The following PCCA variants were observed in gnomAD, a reference collection of about 807,000 sequenced individuals.
The protein encoded by PCCA is propionyl-CoA carboxylase subunit alpha.
Under a neutral mutation model 101.3 loss-of-function variants are expected in PCCA, and 74 were observed. That is an observed-to-expected ratio of 0.73 (90% CI 0.61 to 0.89). The LOEUF (loss-of-function observed/expected upper bound fraction) is 0.89, where lower values mean the gene tolerates loss of function less well. Ranked by LOEUF, PCCA falls within the 40% of genes least tolerant of loss-of-function variation. The probability of loss-of-function intolerance (pLI) is 0.00; values close to 1 mark genes in which losing one functional copy is unlikely to be tolerated. For synonymous variants in PCCA, 294 were observed against 313.6 expected, an observed-to-expected ratio of 0.94 and a Z score of 0.66; for missense variants, 891 against 907.0, an observed-to-expected ratio of 0.98 and a Z score of 0.23.
intron 21 of PCCA, among the ~76,000 whole-genome samples, chr13:100,454,362 G>T (rs2081563583): frequency 6.6e-6 from 1 of 152,184 alleles, no homozygotes; most frequent in African/African-American, 2.4e-5. Flanking sequence ...GTACAGCATA[G>T]CAGTTTGGAT....
At chr13:100,395,453 T>C (rs2076999277) in intron 19 of PCCA, among the ~76,000 whole-genome samples, 1 of 152,188 alleles carries the variant, frequency 6.6e-6, no homozygotes, top group African/African-American at 2.4e-5. Context: ...TTAAAAAATG[T>C]ATTTGGAGCA....
intron 21 of PCCA, among the ~76,000 whole-genome samples, chr13:100,450,176 A>T (rs953643777): frequency 6.6e-6 from 1 of 152,074 alleles, no homozygotes; most frequent in Non-Finnish European, 1.5e-5. Flanking sequence ...CAAGGTCAGG[A>T]GTTTGAGACC....
At chr13:100,213,669 C>T (rs959487753) in intron 7 of PCCA, among the ~76,000 whole-genome samples, 3 of 152,114 alleles carry the variant, frequency 2.0e-5, no homozygotes, top group Non-Finnish European at 4.4e-5. Context: ...AAATATTTTG[C>T]TCCCATTCCA....
intron 21 of PCCA, among the ~76,000 whole-genome samples, chr13:100,512,458 C>T (rs1384287427): frequency 8.5e-5 from 13 of 152,204 alleles, no homozygotes; most frequent in African/African-American, 1.7e-4. Flanking sequence ...TTCTCACTTA[C>T]GTGGTGAGCT....
intron 20 of PCCA, among the ~76,000 whole-genome samples, chr13:100,431,261 C>T (rs535541933): frequency 3.9e-5 from 6 of 152,280 alleles, no homozygotes; most frequent in African/African-American, 9.6e-5. Context: ...AATATCTGCT[C>T]ATGACTTTTG....
At chr13:100,366,799 T>C (rs2075208778) in intron 18 of PCCA, among the ~76,000 whole-genome samples, 1 of 152,200 alleles carries the variant, frequency 6.6e-6, no homozygotes, top group South Asian at 2.1e-4. Flanking sequence ...CATTTTTTTT[T>C]TACTTTTATT....
chr13:100,461,056 T>C (rs2082131636), intron 21 of PCCA, among the ~76,000 whole-genome samples: 1 of 152,220 alleles, frequency 6.6e-6, no homozygotes. Flanking sequence ...GTCTGCATAT[T>C]TCCATAATTT....
rs1763653724 is a variant in PCCA at position 100,151,092 on chromosome 13, C to T, written c.301-3887C>T. On this transcript the variant is annotated intron_variant, in intron 4 of 23. Transcript: ENST00000376285. ...AGCTCCTGGATGTACTCGTATGCAC[C>T]CATCTTGGCTTACCTGATGGCTGCT... 2.6e-5 allele frequency: 38 copies of T among 1,478,556 alleles called. No individual in the cohort carries two copies. In the South Asian group the frequency reaches 4.3e-4, roughly 17 times the overall value. 91.6% of individuals were successfully genotyped at this position (1,478,556 alleles called of 1,614,324 possible).
intron 21 of PCCA, among the ~76,000 whole-genome samples, chr13:100,469,711 C>T (rs1364902613): frequency 1.3e-5 from 2 of 148,948 alleles, no homozygotes; most frequent in Non-Finnish European, 3.0e-5. Flanking sequence ...AACCCGGAGG[C>T]TGAGGTTGCA....
intron 4 of PCCA, among the ~76,000 whole-genome samples, chr13:100,116,492 A>G (rs892666514): frequency 6.6e-6 from 1 of 152,160 alleles, no homozygotes; most frequent in Non-Finnish European, 1.5e-5. Flanking sequence ...GCTTTTAGAG[A>G]TGATTATGCA....
At chr13:100,192,882 C>G (rs2057833076) in intron 6 of PCCA, among the ~76,000 whole-genome samples, 1 of 152,194 alleles carries the variant, frequency 6.6e-6, no homozygotes, top group South Asian at 2.1e-4. Context: ...TTTACCTCTT[C>G]TAGTGCACTG....
intron 23 of PCCA, among the ~76,000 whole-genome samples, chr13:100,528,755 T>C (rs773143477): frequency 3.3e-5 from 5 of 152,258 alleles, no homozygotes; most frequent in African/African-American, 7.2e-5. Flanking sequence ...TAAGGAATTC[T>C]TTCTAAATTA....
intron 8 of PCCA, among the ~76,000 whole-genome samples, chr13:100,245,444 C>T (rs1407535033): frequency 6.6e-6 from 1 of 152,176 alleles, no homozygotes; most frequent in African/African-American, 2.4e-5. Context: ...AGCCCCTCTC[C>T]TGTCACTTTA....
chr13:100,346,654 G>GA (rs1264186585), intron 18 of PCCA, among the ~76,000 whole-genome samples: 1 of 152,160 alleles, frequency 6.6e-6, no homozygotes, highest in Non-Finnish European at 1.5e-5. Context: ...TCTACTGTGG[G>GA]AAAAATGGTA....
chr13:100,433,068 T>C (rs1239910617), intron 20 of PCCA, among the ~76,000 whole-genome samples: 1 of 152,246 alleles, frequency 6.6e-6, no homozygotes, highest in Non-Finnish European at 1.5e-5. Context: ...TGTTTCTACC[T>C]TTTGGCTGCT....
chr13:100,329,707 A>G (rs777090072), intron 16 of PCCA, among the ~76,000 whole-genome samples: 8 of 152,134 alleles, frequency 5.3e-5, no homozygotes, highest in Admixed American at 3.3e-4. Flanking sequence ...TGGATTTTAT[A>G]TGACAACCAG....
chr13:100,100,860 T>A (rs902148663), intron 1 of PCCA, among the ~76,000 whole-genome samples: 1 of 151,806 alleles, frequency 6.6e-6, no homozygotes, highest in Non-Finnish European at 1.5e-5. Flanking sequence ...CAAACTTGGC[T>A]CACTGCAACC....
intron 6 of PCCA, among the ~76,000 whole-genome samples, chr13:100,206,005 C>T (rs1056151718): frequency 2.0e-5 from 3 of 152,142 alleles, no homozygotes; most frequent in Admixed American, 6.6e-5. Flanking sequence ...ATTATCTCCT[C>T]ATACAGAGCA....
intron 2 of PCCA, among the ~76,000 whole-genome samples, chr13:100,107,064 A>G (rs977481422): frequency 2.6e-5 from 4 of 152,178 alleles, no homozygotes; most frequent in African/African-American, 7.2e-5. Context: ...GTTTATACCT[A>G]CTGTCCCAAG....
Sources: gnomAD v4.1 joint callset for allele counts (sites outside exome capture counted in the v4.1 genomes callset) on GRCh38, gnomAD v4.1.1 for gene constraint, MANE v1.5 for transcripts, NCBI Gene and HGNC (gene_info 2026-07-23, HGNC 2026-07-21) for gene names.